Variants in RNF13 observed in about 807,000 individuals in gnomAD.
RNF13 encodes the protein ring finger protein 13.
A neutral mutation model predicts 37.7 loss-of-function variants in RNF13; 19 were observed. That is an observed-to-expected ratio of 0.50 (90% CI 0.35 to 0.74). RNF13 has a LOEUF of 0.74. Among genes scored for constraint, RNF13 ranks in the 30% least tolerant of loss-of-function variants. The probability of loss-of-function intolerance (pLI) is 0.01; values close to 1 mark genes in which losing one functional copy is unlikely to be tolerated. For missense variants in RNF13, 375 were observed against 453.0 expected (o/e 0.83, Z 1.56); for synonymous variants, 144 against 157.8 (o/e 0.91, Z 0.65).
intron 1 of RNF13, among the ~76,000 whole-genome samples, chr3:149,827,826 T>C (rs549870321): frequency 2.8e-4 from 43 of 152,178 alleles, no homozygotes; most frequent in Non-Finnish European, 5.3e-4. Flanking sequence ...ACAGTTGTTA[T>C]AGGCTGAGTG....
chr3:149,939,573 T>A, intron 8 of RNF13: 1 of 599,062 alleles, frequency 1.7e-6, no homozygotes, highest in South Asian at 1.4e-5. Flanking sequence ...AAGTTGCCAG[T>A]GTTACTTTAA....
At chr3:149,831,172 A>T (rs1158609055) in intron 1 of RNF13, among the ~76,000 whole-genome samples, 4 of 152,226 alleles carry the variant, frequency 2.6e-5, no homozygotes, top group Admixed American at 6.5e-5. Flanking sequence ...GAGCCCCCAC[A>T]CAGAGTCCCT....
intron 2 of RNF13, among the ~76,000 whole-genome samples, chr3:149,848,836 T>C (rs1576758635): frequency 6.6e-6 from 1 of 152,178 alleles, no homozygotes; most frequent in Non-Finnish European, 1.5e-5. Context: ...GAGATGCTAC[T>C]GTAGCATCTA....
At chr3:149,911,280 G>T (rs770659292) in intron 6 of RNF13, among the ~76,000 whole-genome samples, 29 of 152,140 alleles carry the variant, frequency 1.9e-4, no homozygotes, top group Admixed American at 5.9e-4. Context: ...TTTGATTGAG[G>T]TGGAGGTTCT....
At chr3:149,930,735 T>C (rs1040247998) in intron 8 of RNF13, among the ~76,000 whole-genome samples, 2 of 152,228 alleles carry the variant, frequency 1.3e-5, no homozygotes, top group African/African-American at 4.8e-5. Flanking sequence ...GTTCAGGTTC[T>C]TTAATAGACC....
chr3:149,905,360 T>C (rs1716284395), intron 6 of RNF13, among the ~76,000 whole-genome samples: 1 of 152,200 alleles, frequency 6.6e-6, no homozygotes, highest in Admixed American at 6.5e-5. Flanking sequence ...TTTTTTCTTA[T>C]GCTTAAGCGC....
chr3:149,852,290 A>T (rs554814350), intron 2 of RNF13, among the ~76,000 whole-genome samples: 2 of 152,226 alleles, frequency 1.3e-5, no homozygotes, highest in African/African-American at 2.4e-5. Context: ...TTGCTGCTCG[A>T]TAATATTTGA....
intron 6 of RNF13, among the ~76,000 whole-genome samples, chr3:149,909,153 C>T (rs1318261355): frequency 2.0e-5 from 3 of 152,180 alleles, no homozygotes; most frequent in Non-Finnish European, 4.4e-5. Flanking sequence ...GACTGAAATT[C>T]CATTGTAGTT....
At chr3:149,901,153 C>A (rs1715789601) in intron 5 of RNF13, among the ~76,000 whole-genome samples, 1 of 152,076 alleles carries the variant, frequency 6.6e-6, no homozygotes, top group South Asian at 2.1e-4. Flanking sequence ...AACATTTGTC[C>A]TTGGATGGGA....
At chr3:149,871,993 GA>G (rs1712124498) in intron 3 of RNF13, 35 bp from the exon 4 acceptor site, 1 of 1,553,222 alleles carries the variant, frequency 6.4e-7, no homozygotes, top group Non-Finnish European at 8.7e-7. Context: ...TTTACTGAGT[GA>G]AACAGAGAGA....
chr3:149,926,506 A>G (rs1403895871), intron 8 of RNF13, among the ~76,000 whole-genome samples: 3 of 152,048 alleles, frequency 2.0e-5, no homozygotes, highest in Non-Finnish European at 4.4e-5. Context: ...CACCATGCCC[A>G]GCCTCTTCTG....
chr3:149,958,729 CAAT>C (rs1301251075), intron 8 of RNF13, among the ~76,000 whole-genome samples: 2 of 152,164 alleles, frequency 1.3e-5, no homozygotes, highest in Non-Finnish European at 2.9e-5. Context: ...TAATTAAAAA[CAAT>C]AATTGCAGAT....
chr3:149,948,419 C>T (rs1023927399), intron 8 of RNF13, among the ~76,000 whole-genome samples: 3 of 151,884 alleles, frequency 2.0e-5, no homozygotes, highest in African/African-American at 4.8e-5. Flanking sequence ...TCTGTCTTAC[C>T]GCTTTGTCTT....
At chr3:149,925,451 G>A (rs1008951772) in intron 8 of RNF13, among the ~76,000 whole-genome samples, 2 of 152,038 alleles carry the variant, frequency 1.3e-5, no homozygotes, top group Non-Finnish European at 2.9e-5. Context: ...TACCACATAC[G>A]AATGCATACC....
chr3:149,897,945 T>C (rs1480003318), intron 5 of RNF13, among the ~76,000 whole-genome samples: 2 of 152,160 alleles, frequency 1.3e-5, no homozygotes, highest in African/African-American at 4.8e-5. Context: ...AATAACATTC[T>C]TTATCTTTAG....
At chr3:149,916,268 G>A (rs576985010) in intron 7 of RNF13, among the ~76,000 whole-genome samples, 5 of 151,964 alleles carry the variant, frequency 3.3e-5, no homozygotes, top group African/African-American at 1.2e-4. Flanking sequence ...GGAATAAAGT[G>A]ATTTATAATA....
At chr3:149,849,265 C>T (rs754625632) in intron 2 of RNF13, among the ~76,000 whole-genome samples, 20 of 152,170 alleles carry the variant, frequency 1.3e-4, no homozygotes, top group Non-Finnish European at 2.8e-4. Context: ...GAAGTAACAT[C>T]CATCTTATAT....
At chr3:149,881,157 A>C (rs1304446373) in intron 4 of RNF13, among the ~76,000 whole-genome samples, 3 of 152,246 alleles carry the variant, frequency 2.0e-5, no homozygotes, top group Non-Finnish European at 2.9e-5. Context: ...TCTGTGTAGC[A>C]GTGAAAACTG....
intron 6 of RNF13, among the ~76,000 whole-genome samples, chr3:149,907,658 A>G (rs1716563953): frequency 6.6e-6 from 1 of 152,222 alleles, no homozygotes; most frequent in African/African-American, 2.4e-5. Flanking sequence ...TCTCCTCATT[A>G]AAATGTGAAC....
Sources: allele counts gnomAD v4.1 joint callset (sites outside exome capture counted in the v4.1 genomes callset), GRCh38; gene constraint gnomAD v4.1.1; transcripts MANE v1.5; gene names NCBI Gene and HGNC (gene_info 2026-07-23, HGNC 2026-07-21).